The following MGAM variants were observed in gnomAD, a reference collection of about 807,000 sequenced individuals.
MGAM encodes the protein alpha-1,4-glucosidase.
MGAM carries 253 observed loss-of-function variants against 358.8 expected under a neutral mutation model. The ratio of observed to expected loss-of-function variants is 0.71; its 90% CI spans 0.64 to 0.78. The LOEUF (loss-of-function observed/expected upper bound fraction) is 0.78. Among genes scored for constraint, MGAM ranks in the 30% least tolerant of loss-of-function variants. MGAM has a pLI of 0.00. For missense variants in MGAM, 3,080 were observed against 3,432.6 expected (o/e 0.90, Z 2.57); for synonymous variants, 1,105 against 1,227.1 (o/e 0.90, Z 2.08).
chr7:142,055,040 T>G, intron 27 of MGAM, 132 bp downstream of exon 27: 1 of 1,050,180 alleles, frequency 9.5e-7, no homozygotes, highest in Non-Finnish European at 1.4e-6. Flanking sequence ...AGTTGTTTCC[T>G]TCAGACCTAT....
chr7:142,032,773 C>G, intron 13 of MGAM, 52 bp from the exon 14 acceptor site: 4 of 1,117,076 alleles, frequency 3.6e-6, no homozygotes, highest in Non-Finnish European at 5.3e-6. Flanking sequence ...ATCACGACAT[C>G]ATAAGATAAC....
In MGAM at chr7:142,082,431, T is replaced by A. The variant is rs529558282; in HGVS notation, c.6172-44T>A. 4.7e-5 allele frequency: 65 copies of A among 1,391,040 alleles called. 1 individual carries two copies. In the African/African-American group the frequency reaches 8.1e-4, roughly 17 times the overall value. The allele number at this position is 1,391,040 out of a possible 1,614,324, so 86.2% of individuals were successfully genotyped here. ...TTTTGTTGAGTTTCTTTCTCAGGCA[T>A]AATGTCTTTTAAACTCCTACTGCTT... On this transcript the variant is annotated intron_variant, in intron 51 of 70. Coordinates refer to ENST00000475668, the MANE Select transcript of MGAM (RefSeq NM_001365693.1).
In MGAM at chr7:142,095,710, A is replaced by G. The variant is rs758605204; in HGVS notation, c.7604A>G (p.His2535Arg). The part of the protein sequence containing the change: ...EGVTVVRPLL[H>R]EFVSDQVTWD... ...GTCACTGTTGTGCGGCCTCTGCTCC[A>G]TGAGTGAGTGTCCAGCAGGGATCCC... Residue 2535 changes from histidine (H) to arginine (R), a missense_variant, in exon 64 of 71, where the codon CAT becomes CGT. Physicochemically the swap from His to Arg is conservative, Grantham distance 29 (BLOSUM62 0). Coordinates refer to ENST00000475668, the MANE Select transcript of MGAM (RefSeq NM_001365693.1). 4.3e-6 allele frequency: 7 copies of G among 1,613,804 alleles called. No individual in the cohort carries two copies. In the African/African-American group the frequency reaches 6.7e-5, roughly 15 times the overall value.
At chr7:142,040,008 T>A (rs1808355919) in intron 19 of MGAM, 107 bp from the exon 20 acceptor site, 1 of 844,136 alleles carries the variant, frequency 1.2e-6, no homozygotes, top group Non-Finnish European at 1.9e-6. Flanking sequence ...AAAGGCATAA[T>A]AGCAGGGCAT....
rs2961050 is a variant in MGAM, at chr7:142,084,745, T to A, written c.6507+101T>A. Reference sequence around the variant, plus strand: ...TTTGTGAGATTCTATAAAGACATAATGTTCTTTTTCAGACAATATCACAGT... The same window carrying A: ...TTTGTGAGATTCTATAAAGACATAAAGTTCTTTTTCAGACAATATCACAGT... On this transcript the variant is annotated intron_variant, in intron 54 of 70. Transcript: ENST00000475668. The A allele has an allele frequency of 5.8e-5, 82 of 1,421,010 alleles. 10 individuals are homozygous for A. The highest frequency in any genetic ancestry group is 2.1e-4 in the East Asian group (9 of 42,706). The allele number at this position is 1,421,010 out of a possible 1,614,324, so 88.0% of individuals were successfully genotyped here. A position where few individuals can be genotyped will look rare whatever the true frequency, so the allele number is the denominator to read the frequency against.
In MGAM at chr7:142,091,272, G is replaced by A. The variant is rs1189488792; in HGVS notation, c.6811-641G>A. Among the ~76,000 whole-genome samples, 6 of 140,672 alleles carry A rather than the reference G, an allele frequency of 4.3e-5. 2 individuals carry two copies. The allele number at this position is 140,672 out of a possible 152,430, so 92.3% of individuals were successfully genotyped here. On this transcript the variant is annotated intron_variant, in intron 57 of 70. Coordinates refer to ENST00000475668, the MANE Select transcript of MGAM (RefSeq NM_001365693.1). ...TCTCAAAAAAAAAAAAAAAGAAGTT[G>A]TACCTTTAACCCATCTTGCAGGTTA...
At chr7:142,094,946 C>A in intron 63 of MGAM, 83 bp downstream of exon 63, 1 of 1,385,932 alleles carries the variant, frequency 7.2e-7, no homozygotes, top group Non-Finnish European at 9.8e-7. Context: ...GTCTGTATTT[C>A]CTGTGATATC....
At chr7:142,044,268 A>T (rs1809631703) in intron 21 of MGAM, among the ~76,000 whole-genome samples, 2 of 110,602 alleles carry the variant, frequency 1.8e-5, no homozygotes, top group Non-Finnish European at 4.2e-5. Context: ...TATAATATAT[A>T]CATTATATAC....
rs769307785 is a variant in MGAM at position 142,055,743 on chromosome 7, T to C, written c.3483+17T>C. ...CCCCCAGGGGTAAGGACAGAGCATT[T>C]GGGATCTGTGTCTCTGCTTCTCTCC... On this transcript the variant is annotated intron_variant, in intron 28 of 70. Transcript: ENST00000475668. 6.2e-6 allele frequency: 10 copies of C among 1,612,872 alleles called. No individual in the cohort carries two copies. The highest frequency in any genetic ancestry group is 1.7e-5 in the Admixed American group (1 of 59,928).
intron 63 of MGAM, among the ~76,000 whole-genome samples, chr7:142,095,293 C>T (rs1264773993): frequency 6.6e-6 from 1 of 152,178 alleles, no homozygotes; most frequent in Non-Finnish European, 1.5e-5. Context: ...CCTCAGTGTT[C>T]TTTAGGTTAT....
intron 52 of MGAM, among the ~76,000 whole-genome samples, 196 bp downstream of exon 52, chr7:142,082,767 C>G (rs1452749706): frequency 6.8e-6 from 1 of 146,240 alleles, no homozygotes; most frequent in African/African-American, 2.4e-5. Context: ...TAACCCAACT[C>G]TTATTTTGGT....
At chr7:142,041,910 TATA>T (rs1808657334) in intron 21 of MGAM, among the ~76,000 whole-genome samples, 1 of 69,276 alleles carries the variant, frequency 1.4e-5, no homozygotes, top group South Asian at 3.1e-4. Context: ...ATATATTATA[TATA>T]TACGTATAAT....
At chr7:141,989,365 G>A (rs1327866666) in intron 2 of MGAM, among the ~76,000 whole-genome samples, 2 of 152,086 alleles carry the variant, frequency 1.3e-5, no homozygotes, top group Admixed American at 6.6e-5. Flanking sequence ...GACATTGGAT[G>A]TCAGGTACTT....
chr7:142,051,982 G>A (rs573943461), intron 24 of MGAM, among the ~76,000 whole-genome samples: 20 of 152,120 alleles, frequency 1.3e-4, no homozygotes, highest in Non-Finnish European at 2.6e-4. Context: ...GACATCATGT[G>A]TCATCTCACA....
intron 17 of MGAM, among the ~76,000 whole-genome samples, chr7:142,036,542 A>G (rs1017355436): frequency 2.6e-4 from 39 of 152,190 alleles, no homozygotes; most frequent in African/African-American, 8.0e-4. Flanking sequence ...TGTACGCTTT[A>G]TCTACATTGT....
In MGAM at chr7:142,103,381, G is replaced by A; in HGVS notation, c.8126G>A (p.Ser2709Asn). The change falls in exon 70 of 71, where the codon AGC (serine) becomes AAC (asparagine). Residue 2709 changes from serine (S) to asparagine (N), a missense_variant. Ser to Asn is a conservative substitution (Grantham distance 46). Transcript: ENST00000475668. ...GGCAGTGTCCCCGTTACCAGTGTCA[G>A]CATCTCTGTGAGTGGCATGGTCATA... ...GVGSVPVTSV[S>N]ISVSGMVITP... The A allele has an allele frequency of 1.9e-6, 3 of 1,612,990 alleles. No homozygotes were observed. Among genetic ancestry groups the A allele is most frequent in the Non-Finnish European group, 2.5e-6 (3 of 1,179,482 alleles).
At chr7:142,005,785 G>GTGTTCTA in intron 2 of MGAM, 128 bp downstream of exon 2, 1 of 868,760 alleles carries the variant, frequency 1.2e-6, no homozygotes, top group East Asian at 2.9e-5. Context: ...TTATATGTGT[G>GTGTTCTA]TGTTCTATGT....
intron 54 of MGAM, 115 bp downstream of exon 54, chr7:142,084,759 C>T: frequency 1.5e-6 from 2 of 1,358,130 alleles, no homozygotes; most frequent in Non-Finnish European, 2.0e-6. Flanking sequence ...CTTTTTCAGA[C>T]AATATCACAG....
chr7:142,060,463 C>G, intron 34 of MGAM, 90 bp downstream of exon 34: 1 of 1,476,772 alleles, frequency 6.8e-7, no homozygotes, highest in Non-Finnish European at 9.4e-7. Context: ...GTACCGTGGA[C>G]ATGGGCTTGG....
Sources: allele counts gnomAD v4.1 joint callset (sites outside exome capture counted in the v4.1 genomes callset), GRCh38; gene constraint gnomAD v4.1.1; transcripts MANE v1.5; gene names NCBI Gene and HGNC (gene_info 2026-07-23, HGNC 2026-07-21).